Variants in LCP2 observed in about 807,000 individuals in gnomAD.
The protein encoded by LCP2 is lymphocyte cytosolic protein 2.
In LCP2, 29 loss-of-function variants were observed where a neutral mutation model predicts 74.5. That is an observed-to-expected ratio of 0.39 (90% confidence interval 0.29 to 0.53). LCP2 has a LOEUF of 0.53. Among genes scored for constraint, LCP2 ranks in the 20% least tolerant of loss-of-function variants. The pLI is 0.72. For missense variants in LCP2, 604 were observed against 634.6 expected, an observed-to-expected ratio of 0.95 and a Z score of 0.52; for synonymous variants, 228 against 229.5, an observed-to-expected ratio of 0.99 and a Z score of 0.06.
At position 170,270,884 on chromosome 5, in the gene LCP2, G is replaced by C; in HGVS notation, c.358C>G (p.Gln120Glu). The C allele has an allele frequency of 6.2e-7, 1 of 1,612,636 alleles. No individual in the cohort carries two copies. Among genetic ancestry groups the C allele is most frequent in the South Asian group, 1.1e-5 (1 of 90,656 alleles). Residue 120 changes from glutamine to glutamate, a missense_variant, in exon 7 of 21, where the codon CAG (glutamine) becomes GAG (glutamate). Gln to Glu is a conservative substitution (Grantham distance 29). Coordinates refer to ENST00000046794, the MANE Select transcript of LCP2 (RefSeq NM_005565.5). ...EDDYESPNDD[Q>E]DGEDDGDYES... is the part of the protein sequence containing the mutation. ...TAGTCTCCATCATCCTCCCCATCCT[G>C]GTCATCATTGGGACTTTCATAATCG...
chr5:170,279,635 C>G (rs1449676197), intron 3 of LCP2, among the ~76,000 whole-genome samples: 1 of 152,220 alleles, frequency 6.6e-6, no homozygotes, highest in East Asian at 1.9e-4. Context: ...AACCGGCCCC[C>G]ACGTGATTTT....
At position 170,275,265 on chromosome 5, in the gene LCP2, A is replaced by G. The variant is rs1005395608; in HGVS notation, c.286+55T>C. ...CCCCAGGAACCAGAAAGGCAAGAAAACTGAAATACCTATCACCTCCTAAAG... is the reference window on the plus strand; with the variant it reads ...CCCCAGGAACCAGAAAGGCAAGAAAGCTGAAATACCTATCACCTCCTAAAG... On this transcript the variant is annotated intron_variant, in intron 5 of 20. Transcript: ENST00000046794. The G allele has an allele frequency of 2.4e-5, 39 of 1,600,184 alleles. No homozygotes were observed. The African/African-American group carries it at 4.2e-4, about 17-fold the overall frequency.
At position 170,262,824 on chromosome 5, in the gene LCP2, T is replaced by C; in HGVS notation, c.818+18A>G. On this transcript the variant is annotated intron_variant, in intron 12 of 20. Transcript: ENST00000046794. ...ACAGAACGTCCCATGTACCCTCATG[T>C]AGATGCAACAGTCTTACCTTCCCGC... 2 of 1,614,028 alleles carry C rather than the reference T, an allele frequency of 1.2e-6. No individual in the cohort carries two copies. Among genetic ancestry groups the C allele is most frequent in the Non-Finnish European group, 1.7e-6 (2 of 1,179,884 alleles).
chr5:170,272,796 T>C (rs170283), intron 6 of LCP2, among the ~76,000 whole-genome samples: 12,795 of 151,518 alleles, frequency 0.084, 1,770 homozygotes, highest in African/African-American at 0.29. Context: ...TATTTTTTAG[T>C]AGAGATGGGG....
Position 170,258,185 on chromosome 5 carries a change from CAA to C in LCP2, c.971-21_971-20del. 1.2e-6 allele frequency: 2 copies of C among 1,612,998 alleles called. No homozygotes were observed. Among genetic ancestry groups the C allele is most frequent in the Non-Finnish European group, 1.7e-6 (2 of 1,179,146 alleles). Reference sequence around the variant, plus strand: ...TGATGCACTGTGCAGAAGTAGAAAACAATGAATGAGATTGGCAGGCCCCAGCT... The same window carrying C: ...TGATGCACTGTGCAGAAGTAGAAAACTGAATGAGATTGGCAGGCCCCAGCT... On this transcript the variant is annotated intron_variant, in intron 15 of 20. Transcript: ENST00000046794.
intron 3 of LCP2, among the ~76,000 whole-genome samples, chr5:170,276,291 T>C (rs773619629): frequency 6.6e-6 from 1 of 152,202 alleles, no homozygotes; most frequent in Non-Finnish European, 1.5e-5. Flanking sequence ...GTCTTGTTCC[T>C]AAGAATCTTC....
At position 170,275,788 on chromosome 5, in the gene LCP2, C is replaced by T; in HGVS notation, c.254+7G>A. 6.3e-7 allele frequency: 1 copy of T among 1,575,404 alleles called. No individual in the cohort carries two copies. The highest frequency in any genetic ancestry group is 1.7e-4 in the Middle Eastern group (1 of 6,018). ...ATCTTGCGTTTCCTTACACCAGCCGCACTCACTTGCGTGTGAAGATGCTCC... is the reference window on the plus strand; with the variant it reads ...ATCTTGCGTTTCCTTACACCAGCCGTACTCACTTGCGTGTGAAGATGCTCC... On this transcript the variant is annotated splice_region_variant and intron_variant, in intron 4 of 20. Transcript: ENST00000046794.
At chr5:170,293,791 C>G (rs1235821513) in intron 1 of LCP2, among the ~76,000 whole-genome samples, 1 of 152,192 alleles carries the variant, frequency 6.6e-6, no homozygotes, top group Admixed American at 6.5e-5. Context: ...TATATTCAAT[C>G]TCATTATTCT....
chr5:170,287,607 G>A, intron 3 of LCP2: 1 of 279,866 alleles, frequency 3.6e-6, no homozygotes, highest in South Asian at 5.0e-5. Context: ...TGTGAGAAAT[G>A]GAGGTCAAGA....
chr5:170,287,841 C>T, intron 3 of LCP2, 129 bp downstream of exon 3: 2 of 829,976 alleles, frequency 2.4e-6, no homozygotes. Flanking sequence ...CTGCCCTTGC[C>T]CTCATCCTTC....
chr5:170,280,674 C>G (rs558804728), intron 3 of LCP2, among the ~76,000 whole-genome samples: 12 of 152,280 alleles, frequency 7.9e-5, no homozygotes, highest in African/African-American at 2.9e-4. Context: ...GATCATTTTC[C>G]TGGTAGACAA....
At chr5:170,284,007 T>C (rs1376112081) in intron 3 of LCP2, among the ~76,000 whole-genome samples, 1 of 152,236 alleles carries the variant, frequency 6.6e-6, no homozygotes, top group East Asian at 1.9e-4. Context: ...GACCTCCCTT[T>C]AGAATGTGAG....
intron 2 of LCP2, among the ~76,000 whole-genome samples, 186 bp from the exon 3 acceptor site, chr5:170,288,202 G>A (rs1441870010): frequency 1.5e-5 from 2 of 129,474 alleles, no homozygotes; most frequent in Non-Finnish European, 3.1e-5. Context: ...AAAAGCCTGT[G>A]GGCCTGCTGT....
At chr5:170,268,832 C>T (rs920626903) in intron 7 of LCP2, among the ~76,000 whole-genome samples, 8 of 152,218 alleles carry the variant, frequency 5.3e-5, no homozygotes, top group African/African-American at 1.4e-4. Context: ...AGTAAACATA[C>T]GCATACCTCT....
intron 1 of LCP2, 54 bp downstream of exon 1, chr5:170,297,480 T>C: frequency 6.7e-7 from 1 of 1,499,694 alleles, no homozygotes; most frequent in Non-Finnish European, 9.2e-7. Flanking sequence ...AAGCCTCAGC[T>C]CAGCCCACCA....
intron 17 of LCP2, among the ~76,000 whole-genome samples, chr5:170,254,711 G>A (rs1246749729): frequency 6.6e-6 from 1 of 152,224 alleles, no homozygotes; most frequent in Non-Finnish European, 1.5e-5. Flanking sequence ...CTACAGTTAA[G>A]AAATGATTCT....
intron 10 of LCP2, among the ~76,000 whole-genome samples, chr5:170,265,049 A>G (rs1417857058): frequency 1.5e-5 from 2 of 137,550 alleles, no homozygotes; most frequent in Non-Finnish European, 3.0e-5. Context: ...GTGCAGTGGC[A>G]TGATCTCAGC....
At position 170,293,348 on chromosome 5, in the gene LCP2, C is replaced by T. The variant is rs1351063290; in HGVS notation, c.103G>A (p.Ala35Thr). The T allele has an allele frequency of 1.2e-6, 2 of 1,604,276 alleles. No individual in the cohort carries two copies. Among genetic ancestry groups the T allele is most frequent in the Middle Eastern group, 1.6e-4 (1 of 6,074 alleles). Residue 35 changes from alanine to threonine, a missense_variant, in exon 2 of 21, where the codon GCA (alanine) becomes ACA (threonine). Physicochemically the swap from Ala to Thr is moderately conservative, Grantham distance 58. Coordinates refer to ENST00000046794, the MANE Select transcript of LCP2 (RefSeq NM_005565.5). ...CCATCGATGTGGTACTTCTTCACTG[C>T]CTTCTCACAGTCCTTATAGTTGAGC... ...KKLNYKDCEK[A>T]VKKYHIDGAR...
chr5:170,297,037 A>T lies in LCP2; in HGVS notation c.78+497T>A, dbSNP rs117794188. On this transcript the variant is annotated intron_variant, in intron 1 of 20. Transcript: ENST00000046794. ...CTATTCTTTCTCCTGCCTCCAGGAC[A>T]CCACGTCTCCCCTTTCTAGTAAGTA... 2.0e-5 allele frequency among the ~76,000 whole-genome samples: 3 copies of T among 152,320 alleles called. No homozygotes were observed. The East Asian group carries it at 5.8e-4, about 29-fold the overall frequency.
Sources: allele counts gnomAD v4.1 joint callset (sites outside exome capture counted in the v4.1 genomes callset), GRCh38; gene constraint gnomAD v4.1.1; transcripts MANE v1.5; gene names NCBI Gene and HGNC (gene_info 2026-07-23, HGNC 2026-07-21).